The following CLVS1 variants were observed in gnomAD, a reference collection of about 807,000 sequenced individuals.
CLVS1 encodes clavesin 1.
CLVS1 carries 10 observed loss-of-function variants against 33.1 expected under a neutral mutation model. The observed-to-expected ratio is 0.30, with a 90% CI of 0.19 to 0.51. CLVS1 has a LOEUF of 0.51. Among genes scored for constraint, CLVS1 ranks in the 20% least tolerant of loss-of-function variants. The pLI is 0.97. For missense variants in CLVS1, 343 were observed against 433.4 expected (o/e 0.79, Z 1.85); for synonymous variants, 163 against 166.1 (o/e 0.98, Z 0.14).
chr8:61,399,308 A>C (rs1040518213), intron 3 of CLVS1, among the ~76,000 whole-genome samples: 1 of 152,056 alleles, frequency 6.6e-6, no homozygotes. Flanking sequence ...GCTGTTTTTC[A>C]TGTGTTTGTT....
intron 2 of CLVS1, among the ~76,000 whole-genome samples, chr8:61,153,978 C>CTT (rs1806598322): frequency 6.6e-6 from 1 of 152,114 alleles, no homozygotes; most frequent in Non-Finnish European, 1.5e-5. Flanking sequence ...AGCTACATCC[C>CTT]TAGGTTTTTA....
At chr8:61,249,703 T>G (rs1172685840) in intron 2 of CLVS1, among the ~76,000 whole-genome samples, 13 of 152,236 alleles carry the variant, frequency 8.5e-5, no homozygotes, top group Non-Finnish European at 1.5e-5. Flanking sequence ...GTTTGTTGGC[T>G]GCATAAATGT....
chr8:61,253,508 C>T (rs1585724449), intron 2 of CLVS1, among the ~76,000 whole-genome samples: 1 of 152,176 alleles, frequency 6.6e-6, no homozygotes, highest in Non-Finnish European at 1.5e-5. Context: ...TAATATCCTG[C>T]AGAGTGTTTT....
chr8:61,071,810 A>G (rs1420382982), intron 1 of CLVS1, among the ~76,000 whole-genome samples: 2 of 152,222 alleles, frequency 1.3e-5, no homozygotes, highest in South Asian at 2.1e-4. Context: ...TGCACATACA[A>G]GTTGACTTTG....
intron 2 of CLVS1, among the ~76,000 whole-genome samples, chr8:61,141,563 A>T (rs188866578): frequency 2.2e-4 from 33 of 152,260 alleles, no homozygotes; most frequent in African/African-American, 7.7e-4. Context: ...TCCCTGCTAC[A>T]CTTTTCCTGG....
chr8:61,489,393 G>A (rs904341660), intron 5 of CLVS1, among the ~76,000 whole-genome samples: 3 of 152,240 alleles, frequency 2.0e-5, no homozygotes, highest in Middle Eastern at 6.8e-3. Context: ...CTGGGTTCCC[G>A]TTCTAGTTCC....
At chr8:61,496,936 C>A (rs1019435501) in intron 5 of CLVS1, among the ~76,000 whole-genome samples, 1 of 152,146 alleles carries the variant, frequency 6.6e-6, no homozygotes, top group African/African-American at 2.4e-5. Flanking sequence ...CATATGACTT[C>A]TCAGTCCCTT....
chr8:61,037,835 AT>A, the CLVS1 span, among the ~76,000 whole-genome samples: 2 of 152,214 alleles, frequency 1.3e-5, no homozygotes, highest in African/African-American at 2.4e-5. Context: ...GTTGGCATTT[AT>A]CATTATTCAT....
intron 1 of CLVS1, among the ~76,000 whole-genome samples, chr8:61,117,031 T>A (rs1324400427): frequency 1.5e-5 from 2 of 132,822 alleles, no homozygotes; most frequent in Non-Finnish European, 3.2e-5. Context: ...TTTGTTTGTA[T>A]CCTCTTTTAT....
intron 2 of CLVS1, among the ~76,000 whole-genome samples, chr8:61,282,906 G>C (rs1809702714): frequency 6.6e-6 from 1 of 152,168 alleles, no homozygotes; most frequent in Non-Finnish European, 1.5e-5. Flanking sequence ...TGTTTTCATA[G>C]ATCTCCAAAC....
At chr8:61,324,080 T>G (rs906313196) in intron 2 of CLVS1, among the ~76,000 whole-genome samples, 1 of 152,150 alleles carries the variant, frequency 6.6e-6, no homozygotes, top group Non-Finnish European at 1.5e-5. Context: ...TCTTTGTTAT[T>G]CTGAATAGTG....
Position 61,203,104 on chromosome 8 carries a change from T to C in CLVS1, c.-152+71244T>C, listed in dbSNP as rs1224440920. 6.3e-6 allele frequency: 8 copies of C among 1,262,386 alleles called. No homozygotes were observed. The African/African-American group carries it at 1.2e-4, about 18-fold the overall frequency. 78.2% of individuals were successfully genotyped at this position (1,262,386 alleles called of 1,614,324 possible). A position where few individuals can be genotyped will look rare whatever the true frequency, so the allele number is the denominator to read the frequency against. On this transcript the variant is annotated intron_variant, in intron 2 of 2. Coordinates refer to the CLVS1 transcript ENST00000522621. ...ACATTAAAGCAAAAATGCAAGCAAGTATAGAAAAAGGTGGTTCTCTTCCCA... is the reference window on the plus strand; with the variant it reads ...ACATTAAAGCAAAAATGCAAGCAAGCATAGAAAAAGGTGGTTCTCTTCCCA...
At chr8:61,325,199 C>T in intron 2 of CLVS1, among the ~76,000 whole-genome samples, 1 of 150,778 alleles carries the variant, frequency 6.6e-6, no homozygotes, top group Non-Finnish European at 1.5e-5. Context: ...CCTATGTACA[C>T]ACACATACAC....
At position 61,148,711 on chromosome 8, in the gene CLVS1, A is replaced by AT. The variant is rs554906687; in HGVS notation, c.-152+16852dup. 2.2e-4 allele frequency among the ~76,000 whole-genome samples: 33 copies of AT among 152,274 alleles called. No homozygotes were observed. In the East Asian group the frequency reaches 5.6e-3, roughly 26 times the overall value. ...ATCTTTCCTGTGACAGCCAGACCAA[A>AT]TCTAGACTGCTCTATCCCACTTTGA... On this transcript the variant is annotated intron_variant, in intron 2 of 2. Coordinates refer to the CLVS1 transcript ENST00000522621.
chr8:61,303,772 A>C (rs747630770), intron 2 of CLVS1, among the ~76,000 whole-genome samples: 2 of 152,340 alleles, frequency 1.3e-5, no homozygotes, highest in East Asian at 3.9e-4. Flanking sequence ...AGTGATGTCT[A>C]TCTAACAGTA....
intron 2 of CLVS1, among the ~76,000 whole-genome samples, chr8:61,174,018 C>T (rs541804201): frequency 6.6e-6 from 1 of 152,200 alleles, no homozygotes; most frequent in South Asian, 2.1e-4. Flanking sequence ...GATAATTAGC[C>T]AGAGAATGAA....
At chr8:60,970,410 C>A in the CLVS1 span, among the ~76,000 whole-genome samples, 2 of 152,238 alleles carry the variant, frequency 1.3e-5, no homozygotes, top group African/African-American at 4.8e-5. Flanking sequence ...GATCTCATTT[C>A]TTCCTCCTTG....
upstream of CLVS1, among the ~76,000 whole-genome samples, chr8:61,284,955 G>A (rs1809746231): frequency 1.3e-5 from 2 of 152,104 alleles, no homozygotes; most frequent in Admixed American, 6.5e-5. Context: ...AATAAATATA[G>A]CAGATCTAAG....
chr8:61,227,058 A>C (rs980155613), intron 2 of CLVS1, among the ~76,000 whole-genome samples: 1 of 144,680 alleles, frequency 6.9e-6, no homozygotes, highest in Non-Finnish European at 1.5e-5. Context: ...TCGAGGGCTG[A>C]TTCTAACTGA....
Sources: allele counts gnomAD v4.1 joint callset (sites outside exome capture counted in the v4.1 genomes callset), GRCh38; gene constraint gnomAD v4.1.1; transcripts MANE v1.5; gene names NCBI Gene and HGNC (gene_info 2026-07-23, HGNC 2026-07-21).